Variants in OLA1 observed in about 807,000 individuals in gnomAD.
OLA1 encodes the protein Obg like ATPase 1.
OLA1 carries 14 observed loss-of-function variants against 48.4 expected under a neutral mutation model. The observed-to-expected ratio is 0.29, with a 90% confidence interval of 0.19 to 0.45. The LOEUF is 0.45. Among genes scored for constraint, OLA1 ranks in the 20% least tolerant of loss-of-function variants. The probability of loss-of-function intolerance (pLI) is 1.00; values close to 1 mark genes in which losing one functional copy is unlikely to be tolerated. For missense variants in OLA1, 325 were observed against 467.1 expected, an observed-to-expected ratio of 0.70 and a Z score of 2.80; for synonymous variants, 127 against 150.4, an observed-to-expected ratio of 0.84 and a Z score of 1.14.
chr2:174,159,308 G>A (rs932810902), intron 4 of OLA1, among the ~76,000 whole-genome samples: 24 of 151,978 alleles, frequency 1.6e-4, no homozygotes, highest in Non-Finnish European at 1.5e-4. Context: ...GTCTTGCCAC[G>A]GCTATATTGG....
chr2:174,234,783 GA>G lies in OLA1; in HGVS notation c.102-5333del, dbSNP rs5836454. On this transcript the variant is annotated intron_variant, in intron 2 of 10. Transcript: ENST00000284719. Reference sequence around the variant, plus strand: ...CCAGCCCTCAACTGTACCTTAAGGAGAAAAAAAAAAATTATTTGAAATTATG... The same window carrying G: ...CCAGCCCTCAACTGTACCTTAAGGAGAAAAAAAAAATTATTTGAAATTATG... 7.2e-4 allele frequency among the ~76,000 whole-genome samples: 105 copies of G among 145,844 alleles called. 1 individual carries two copies. The East Asian group carries it at 7.3e-3, about 10-fold the overall frequency.
In OLA1 at chr2:174,242,202, G is replaced by A. The variant is rs142849909; in HGVS notation, c.101+4513C>T. 8.3e-3 allele frequency among the ~76,000 whole-genome samples: 1,269 copies of A among 152,282 alleles called. 18 individuals are homozygous for A. Among genetic ancestry groups the A allele is most frequent in the Middle Eastern group, 0.017 (5 of 294 alleles). ...GGGACTGGACCGTGAATTGGCTGATGGAAGCCAATTTTTCCACGGACCAAG... is the reference window on the plus strand; with the variant it reads ...GGGACTGGACCGTGAATTGGCTGATAGAAGCCAATTTTTCCACGGACCAAG... On this transcript the variant is annotated intron_variant, in intron 2 of 10. Coordinates refer to ENST00000284719, the MANE Select transcript of OLA1 (RefSeq NM_013341.5).
chr2:174,180,693 G>A (rs1297302963), intron 4 of OLA1, among the ~76,000 whole-genome samples: 4 of 152,118 alleles, frequency 2.6e-5, no homozygotes, highest in African/African-American at 7.2e-5. Context: ...GGCCCTAACC[G>A]AATATTCAAG....
intron 10 of OLA1, among the ~76,000 whole-genome samples, chr2:174,076,413 T>A (rs572195597): frequency 6.6e-6 from 1 of 152,168 alleles, no homozygotes; most frequent in South Asian, 2.1e-4. Context: ...GACTTGAGGA[T>A]CTTTTGGGGG....
chr2:174,171,006 A>G (rs771013432), intron 4 of OLA1, among the ~76,000 whole-genome samples: 3 of 152,246 alleles, frequency 2.0e-5, no homozygotes, highest in Non-Finnish European at 2.9e-5. Flanking sequence ...ATTGATTTCA[A>G]AATAAAAAGT....
chr2:174,082,471 C>T (rs1267986971), intron 7 of OLA1, among the ~76,000 whole-genome samples: 4 of 151,898 alleles, frequency 2.6e-5, no homozygotes, highest in Non-Finnish European at 5.9e-5. Context: ...CTAAAAATAC[C>T]AGCTAATTCT....
chr2:174,163,423 C>A (rs545127941), intron 4 of OLA1, among the ~76,000 whole-genome samples: 2 of 151,682 alleles, frequency 1.3e-5, no homozygotes, highest in Non-Finnish European at 2.9e-5. Context: ...TGTGGTGGCT[C>A]ACGCCTGTAA....
intron 4 of OLA1, among the ~76,000 whole-genome samples, chr2:174,201,550 A>C (rs1687990509): frequency 1.3e-5 from 2 of 152,210 alleles, no homozygotes; most frequent in South Asian, 4.2e-4. Context: ...GGGGGGTCTC[A>C]CTATGTTGTC....
In OLA1 at chr2:174,203,094, G is replaced by A. The variant is rs142042183; in HGVS notation, c.373+19939C>T. 6.8e-3 allele frequency among the ~76,000 whole-genome samples: 1,027 copies of A among 151,900 alleles called. 13 individuals carry two copies. Among genetic ancestry groups the A allele is most frequent in the African/African-American group, 0.022 (895 of 41,388 alleles). On this transcript the variant is annotated intron_variant, in intron 4 of 10. Transcript: ENST00000284719. ...GATTTAATAAAATATTATCGAACAT[G>A]TCATTTACTGAAAAAAAAATAGTGA...
intron 4 of OLA1, among the ~76,000 whole-genome samples, chr2:174,151,337 C>T (rs1686741466): frequency 6.6e-6 from 1 of 152,104 alleles, no homozygotes; most frequent in Non-Finnish European, 1.5e-5. Context: ...TTCTAAAATG[C>T]AAACTTCAGA....
chr2:174,223,769 A>C (rs1688557454), intron 3 of OLA1, among the ~76,000 whole-genome samples: 2 of 126,662 alleles, frequency 1.6e-5, no homozygotes, highest in Non-Finnish European at 1.7e-5. Flanking sequence ...TATAGACAAA[A>C]AAAAAAAAAA....
At chr2:174,080,104 C>G (rs1478108672) in intron 9 of OLA1, among the ~76,000 whole-genome samples, 2 of 151,920 alleles carry the variant, frequency 1.3e-5, no homozygotes, top group African/African-American at 4.8e-5. Context: ...TTTTTAAAAT[C>G]TATATAAAAG....
intron 4 of OLA1, among the ~76,000 whole-genome samples, chr2:174,175,875 C>T (rs750301753): frequency 2.6e-5 from 4 of 151,824 alleles, no homozygotes; most frequent in African/African-American, 7.3e-5. Context: ...AAAGTATTAA[C>T]GTACACAATA....
At chr2:174,098,767 T>C (rs1685316865) in intron 7 of OLA1, among the ~76,000 whole-genome samples, 1 of 152,208 alleles carries the variant, frequency 6.6e-6, no homozygotes, top group South Asian at 2.1e-4. Flanking sequence ...CTTAGCATGG[T>C]ATCTGATACA....
chr2:174,230,750 GAAGT>G (rs1158976941), intron 2 of OLA1, among the ~76,000 whole-genome samples: 2 of 152,196 alleles, frequency 1.3e-5, no homozygotes, highest in Non-Finnish European at 2.9e-5. Context: ...CTGGGGGCTG[GAAGT>G]AAGTGAGAAA....
At chr2:174,192,629 T>G (rs1176444235) in intron 4 of OLA1, among the ~76,000 whole-genome samples, 2 of 152,234 alleles carry the variant, frequency 1.3e-5, no homozygotes, top group Non-Finnish European at 2.9e-5. Flanking sequence ...TTTCCTTCAT[T>G]TATTCCATCT....
intron 4 of OLA1, among the ~76,000 whole-genome samples, chr2:174,176,230 A>G (rs755865465): frequency 4.6e-5 from 7 of 152,140 alleles, no homozygotes; most frequent in Non-Finnish European, 1.0e-4. Flanking sequence ...CAAACTTGAT[A>G]TACATACATT....
chr2:174,113,108 T>C (rs1000699421), intron 7 of OLA1, among the ~76,000 whole-genome samples: 5 of 151,978 alleles, frequency 3.3e-5, no homozygotes, highest in African/African-American at 4.8e-5. Flanking sequence ...GCCCAGCTAA[T>C]TTTTTTGTAT....
chr2:174,182,304 C>A (rs866814343), intron 4 of OLA1, among the ~76,000 whole-genome samples: 1 of 152,156 alleles, frequency 6.6e-6, no homozygotes, highest in East Asian at 1.9e-4. Flanking sequence ...GTGGGCGGAA[C>A]ACCTGAGGTC....
Sources: allele counts gnomAD v4.1 joint callset (sites outside exome capture counted in the v4.1 genomes callset), GRCh38; gene constraint gnomAD v4.1.1; transcripts MANE v1.5; gene names NCBI Gene and HGNC (gene_info 2026-07-23, HGNC 2026-07-21).